The following NAALADL2 variants were observed in gnomAD, a reference collection of about 807,000 sequenced individuals.
NAALADL2 encodes the protein N-acetylated alpha-linked acidic dipeptidase like 2.
In NAALADL2, 76 loss-of-function variants were observed where a neutral mutation model predicts 87.2. That is an observed-to-expected ratio of 0.87 (90% CI 0.72 to 1.05). The LOEUF (loss-of-function observed/expected upper bound fraction) is 1.05, where lower values mean the gene tolerates loss of function less well. Ranked by LOEUF, NAALADL2 falls within the 50% of genes least tolerant of loss-of-function variation. The pLI, the probability that NAALADL2 is intolerant of heterozygous loss-of-function variation, is 0.00. For missense variants in NAALADL2, 1,089 were observed against 945.8 expected (o/e 1.15, Z -1.99); for synonymous variants, 354 against 331.0 (o/e 1.07, Z -0.75).
Position 175,803,058 on chromosome 3 carries a change from A to C in NAALADL2, c.2243A>C (p.Glu748Ala), listed in dbSNP as rs370304299. The change falls in exon 14 of 14, where the codon GAG (glutamate) becomes GCG (alanine). Residue 748 changes from glutamate (E) to alanine (A), a missense_variant. Transcript: ENST00000454872. ...ACAAGCCGGTTTTCAATACTTATAG[A>C]GGCTTGGGAACACTGCAAACCCCTT... ...EKTSRFSILI[E>A]AWEHCKPLAS... 2 of 1,612,374 alleles carry C rather than the reference A, an allele frequency of 1.2e-6. No homozygotes were observed. The highest frequency in any genetic ancestry group is 1.7e-6 in the Non-Finnish European group (2 of 1,178,956).
intron 1 of NAALADL2, among the ~76,000 whole-genome samples, chr3:174,489,739 A>C (rs1313697872): frequency 6.6e-6 from 1 of 152,100 alleles, no homozygotes; most frequent in Non-Finnish European, 1.5e-5. Context: ...ACATCATTAC[A>C]CATCAGGGAA....
At chr3:175,439,718 G>C (rs535529704) in intron 5 of NAALADL2, among the ~76,000 whole-genome samples, 26 of 139,176 alleles carry the variant, frequency 1.9e-4, no homozygotes, top group Non-Finnish European at 3.3e-4. Context: ...TCTTGTGTTT[G>C]TGGTTTTTTT....
intron 1 of NAALADL2, among the ~76,000 whole-genome samples, chr3:174,927,824 C>G (rs1269576704): frequency 3.9e-5 from 6 of 152,114 alleles, no homozygotes. Context: ...CAAACACATT[C>G]AAAAGCTAGC....
At chr3:174,734,940 A>G (rs1182699157) in intron 2 of NAALADL2, among the ~76,000 whole-genome samples, 1 of 152,210 alleles carries the variant, frequency 6.6e-6, no homozygotes, top group Non-Finnish European at 1.5e-5. Flanking sequence ...GAGGAAGGAA[A>G]CTAACTTAAC....
In NAALADL2 at chr3:175,350,738, A is replaced by C. The variant is rs1382656209; in HGVS notation, c.1090+26413A>C. ...TTAAGACATGTGTGTGGAAGAGCCA[A>C]GAAGTATTAAAGTAAACTGTCTCTC... On this transcript the variant is annotated intron_variant, in intron 5 of 13. Coordinates refer to ENST00000454872, the MANE Select transcript of NAALADL2 (RefSeq NM_207015.3). Among the ~76,000 whole-genome samples, 8 of 152,302 alleles carry C rather than the reference A, an allele frequency of 5.3e-5. No homozygotes were observed. The East Asian group carries it at 1.5e-3, about 29-fold the overall frequency.
rs369377886 is a variant in NAALADL2 at position 175,330,514 on chromosome 3, CAA to C, written c.1090+6190_1090+6191del. On this transcript the variant is annotated intron_variant, in intron 5 of 13. Transcript: ENST00000454872. The stretch of plus-strand genomic sequence containing the variant: ...ATGGAATAAACCTAGAAATCAATAA[CAA>C]GAGGAATTTTGGAAGCTATAAAAAT... Among the ~76,000 whole-genome samples the C allele has an allele frequency of 5.7e-3, 868 of 151,620 alleles. 4 individuals carry two copies. Among genetic ancestry groups the C allele is most frequent in the African/African-American group, 0.02 (841 of 41,388 alleles).
intron 4 of NAALADL2, among the ~76,000 whole-genome samples, chr3:175,323,519 A>G (rs180757629): frequency 6.4e-4 from 98 of 152,246 alleles, no homozygotes; most frequent in Admixed American, 4.5e-3. Context: ...TATGTATGGT[A>G]GATCCTCTAT....
At chr3:174,529,535 G>A (rs558137237) in intron 1 of NAALADL2, among the ~76,000 whole-genome samples, 89 of 152,178 alleles carry the variant, frequency 5.8e-4, no homozygotes, top group Admixed American at 1.0e-3. Flanking sequence ...GGTTCTGACC[G>A]CACGTTTCCC....
chr3:174,786,995 A>G (rs1313297670), intron 3 of NAALADL2, among the ~76,000 whole-genome samples: 1 of 152,016 alleles, frequency 6.6e-6, no homozygotes, highest in Non-Finnish European at 1.5e-5. Flanking sequence ...TAAATCAGTT[A>G]ATATTACTGG....
Position 175,097,081 on chromosome 3 carries a change from G to T in NAALADL2, c.335G>T (p.Arg112Leu). The change falls in exon 2 of 14, where the codon CGA becomes CTA. Residue 112 changes from arginine to leucine, a missense_variant. Transcript: ENST00000454872. ...TCTGACTACATTACCCATTATACAC[G>T]ATCTGCACCAAAGAGCAATCGCTGC... ...EESDYITHYT[R>L]SAPKSNRCNF... 5 of 1,613,592 alleles carry T rather than the reference G, an allele frequency of 3.1e-6. No individual in the cohort carries two copies. Among genetic ancestry groups the T allele is most frequent in the Non-Finnish European group, 4.2e-6 (5 of 1,179,638 alleles).
chr3:174,982,118 A>G (rs1745206452), intron 1 of NAALADL2, among the ~76,000 whole-genome samples: 1 of 152,182 alleles, frequency 6.6e-6, no homozygotes, highest in Non-Finnish European at 1.5e-5. Flanking sequence ...TACAACATAC[A>G]ACCAGAACCC....
intron 2 of NAALADL2, among the ~76,000 whole-genome samples, chr3:174,673,945 T>TA (rs59457199): frequency 1.4e-4 from 21 of 151,648 alleles, no homozygotes; most frequent in African/African-American, 5.1e-4. Flanking sequence ...TATGTATTAA[T>TA]AAAAAAAAAT....
intron 10 of NAALADL2, among the ~76,000 whole-genome samples, chr3:175,581,463 C>G (rs540774689): frequency 6.6e-6 from 1 of 151,858 alleles, no homozygotes; most frequent in South Asian, 2.1e-4. Context: ...ATAAATAAAG[C>G]CTGAATACAA....
chr3:175,092,842 A>T (rs945527809), intron 1 of NAALADL2, among the ~76,000 whole-genome samples: 1 of 151,902 alleles, frequency 6.6e-6, no homozygotes, highest in Non-Finnish European at 1.5e-5. Flanking sequence ...ATGGAAAGAG[A>T]TGTCACCTAA....
chr3:174,984,111 T>C (rs1353845076), intron 1 of NAALADL2, among the ~76,000 whole-genome samples: 1 of 147,522 alleles, frequency 6.8e-6, no homozygotes, highest in Non-Finnish European at 1.5e-5. Flanking sequence ...TTGAGATGTT[T>C]TAAAAAAACA....
intron 2 of NAALADL2, among the ~76,000 whole-genome samples, chr3:175,174,247 G>C (rs1462559902): frequency 2.0e-5 from 3 of 151,954 alleles, no homozygotes; most frequent in Admixed American, 2.0e-4. Context: ...TGTTTAATAG[G>C]CTTCCCTCTT....
intron 9 of NAALADL2, among the ~76,000 whole-genome samples, chr3:175,488,411 T>A (rs1277920474): frequency 1.3e-5 from 2 of 152,244 alleles, no homozygotes; most frequent in African/African-American, 4.8e-5. Context: ...AGAAATAATT[T>A]CTATGCCAGC....
chr3:174,711,062 T>C (rs2108914544), intron 2 of NAALADL2, among the ~76,000 whole-genome samples: 1 of 152,284 alleles, frequency 6.6e-6, no homozygotes, highest in South Asian at 2.1e-4. Flanking sequence ...TCTGGCTCCT[T>C]TCCTATGAAA....
chr3:175,121,902 AC>A (rs1457022639), intron 2 of NAALADL2, among the ~76,000 whole-genome samples: 1 of 151,778 alleles, frequency 6.6e-6, no homozygotes, highest in Non-Finnish European at 1.5e-5. Flanking sequence ...ACAAGCTTCT[AC>A]CACTTTTTAC....
Sources: gnomAD v4.1 joint callset for allele counts (sites outside exome capture counted in the v4.1 genomes callset) on GRCh38, gnomAD v4.1.1 for gene constraint, MANE v1.5 for transcripts, NCBI Gene and HGNC (gene_info 2026-07-23, HGNC 2026-07-21) for gene names.